BTG4: variants seen among roughly 807,000 people sequenced by gnomAD.
BTG4 encodes the protein protein BTG4.
BTG4 carries 10 observed loss-of-function variants against 19.3 expected under a neutral mutation model. The ratio of observed to expected loss-of-function variants is 0.52; its 90% CI spans 0.32 to 0.88. The LOEUF (loss-of-function observed/expected upper bound fraction) is 0.88, where lower values mean the gene tolerates loss of function less well. Among genes scored for constraint, BTG4 ranks in the 40% least tolerant of loss-of-function variants. BTG4 has a pLI of 0.04. For synonymous variants in BTG4, 91 were observed against 95.7 expected (o/e 0.95, Z 0.29); for missense variants, 238 against 281.9 (o/e 0.84, Z 1.11).
chr11:111,504,267 C>T (rs1296257889), intron 1 of BTG4, among the ~76,000 whole-genome samples: 1 of 152,044 alleles, frequency 6.6e-6, no homozygotes, highest in Non-Finnish European at 1.5e-5. Flanking sequence ...AACTCAGTTC[C>T]ATTATGGTCA....
At chr11:111,467,006 C>G (rs1863758882), downstream of BTG4, 1 of 152,668 alleles carries the variant, frequency 6.6e-6, no homozygotes, top group Non-Finnish European at 1.5e-5. Context: ...GCACCTGGAA[C>G]AGCAAACTTT....
chr11:111,444,246 CAG>C, the BTG4 span, among the ~76,000 whole-genome samples: 32 of 122,072 alleles, frequency 2.6e-4, no homozygotes, highest in Non-Finnish European at 4.6e-4. Context: ...GACTGAGAGA[CAG>C]AGAGAGAGGA....
chr11:111,470,385 T>A (rs1863990980), intron 5 of BTG4, among the ~76,000 whole-genome samples: 1 of 152,166 alleles, frequency 6.6e-6, no homozygotes, highest in South Asian at 2.1e-4. Flanking sequence ...GCACCTGGCC[T>A]CATGACAATA....
chr11:111,410,083 T>G, the BTG4 span, among the ~76,000 whole-genome samples: 5 of 152,180 alleles, frequency 3.3e-5, no homozygotes, highest in Admixed American at 1.3e-4. Flanking sequence ...CAGTCTCAGG[T>G]CTGTTACTAA....
chr11:111,435,983 G>T, the BTG4 span, among the ~76,000 whole-genome samples: 1 of 152,228 alleles, frequency 6.6e-6, no homozygotes, highest in Non-Finnish European at 1.5e-5. Flanking sequence ...CACAAAGCCA[G>T]AAGCAAATAC....
At chr11:111,424,737 C>T in the BTG4 span, among the ~76,000 whole-genome samples, 1 of 152,148 alleles carries the variant, frequency 6.6e-6, no homozygotes. Flanking sequence ...GTGGGTAGAT[C>T]ACCTGAGGTC....
chr11:111,400,163 C>T, the BTG4 span, among the ~76,000 whole-genome samples: 136 of 152,138 alleles, frequency 8.9e-4, no homozygotes, highest in Non-Finnish European at 1.6e-3. Flanking sequence ...AAAAGTCATG[C>T]CGCCTCTCTG....
At chr11:111,467,122 T>C (rs900698803), downstream of BTG4, among the ~76,000 whole-genome samples, 3 of 152,234 alleles carry the variant, frequency 2.0e-5, no homozygotes, top group Non-Finnish European at 4.4e-5. Flanking sequence ...ACTTTCTACA[T>C]GCCAGAAAAT....
chr11:111,423,644 C>T, the BTG4 span, among the ~76,000 whole-genome samples: 1 of 152,144 alleles, frequency 6.6e-6, no homozygotes, highest in Non-Finnish European at 1.5e-5. Flanking sequence ...ATATCAATGA[C>T]AATAAATAAT....
chr11:111,411,538 T>C, the BTG4 span, among the ~76,000 whole-genome samples: 2 of 152,310 alleles, frequency 1.3e-5, no homozygotes, highest in East Asian at 3.9e-4. Flanking sequence ...TTAACGTGCT[T>C]TCTTTTCCTT....
At chr11:111,492,980 T>C (rs1865506762), downstream of BTG4, among the ~76,000 whole-genome samples, 1 of 152,112 alleles carries the variant, frequency 6.6e-6, no homozygotes, top group Non-Finnish European at 1.5e-5. Context: ...ATGCCGTCTG[T>C]ACTAAAAATA....
chr11:111,492,900 C>A (rs750540578), downstream of BTG4, among the ~76,000 whole-genome samples: 2 of 152,166 alleles, frequency 1.3e-5, no homozygotes, highest in Non-Finnish European at 2.9e-5. Flanking sequence ...AATCCCAGCA[C>A]TTTGGGAGGC....
intron 5 of BTG4, among the ~76,000 whole-genome samples, chr11:111,470,218 T>C (rs1863979560): frequency 6.6e-6 from 1 of 152,076 alleles, no homozygotes; most frequent in Non-Finnish European, 1.5e-5. Flanking sequence ...ATCTCACCCT[T>C]CCAAACAGGT....
chr11:111,407,180 A>G, the BTG4 span, among the ~76,000 whole-genome samples: 1 of 148,454 alleles, frequency 6.7e-6, no homozygotes, highest in Non-Finnish European at 1.5e-5. Flanking sequence ...ACTATGTAGT[A>G]TATATACTAT....
downstream of BTG4, among the ~76,000 whole-genome samples, chr11:111,491,315 T>C (rs764436822): frequency 2.0e-5 from 3 of 152,194 alleles, no homozygotes; most frequent in Non-Finnish European, 4.4e-5. Context: ...TGTAGCAATG[T>C]CAATATCTGG....
At chr11:111,473,587 T>C (rs75420145) in intron 5 of BTG4, among the ~76,000 whole-genome samples, 1,713 of 152,284 alleles carry the variant, frequency 0.011, 17 homozygotes, top group South Asian at 0.038. Context: ...CTTTAAGAGC[T>C]TCTCCTACAA....
the BTG4 span, among the ~76,000 whole-genome samples, chr11:111,421,536 C>T: frequency 1.3e-5 from 2 of 152,202 alleles, no homozygotes; most frequent in African/African-American, 2.4e-5. Flanking sequence ...GATGTCTGCA[C>T]CTTAGAGGCA....
chr11:111,466,269 T>C (rs993828910), downstream of BTG4, among the ~76,000 whole-genome samples: 9 of 152,204 alleles, frequency 5.9e-5, no homozygotes, highest in Non-Finnish European at 1.3e-4. Flanking sequence ...CAATCCATTC[T>C]TTATTGTTCT....
At chr11:111,435,293 A>G in the BTG4 span, among the ~76,000 whole-genome samples, 1 of 152,136 alleles carries the variant, frequency 6.6e-6, no homozygotes, top group Non-Finnish European at 1.5e-5. Flanking sequence ...AGACCTGGAT[A>G]TGGAAAGCAC....
Sources: allele counts gnomAD v4.1 joint callset (sites outside exome capture counted in the v4.1 genomes callset), GRCh38; gene constraint gnomAD v4.1.1; transcripts MANE v1.5; gene names NCBI Gene and HGNC (gene_info 2026-07-23, HGNC 2026-07-21).